Variants in CLPTM1 observed in about 807,000 individuals in gnomAD.
The protein encoded by CLPTM1 is putative lipid scramblase CLPTM1.
Under a neutral mutation model 77.3 loss-of-function variants are expected in CLPTM1, and 21 were observed. That is an observed-to-expected ratio of 0.27 (90% CI 0.19 to 0.39). The LOEUF is 0.39. Ranked by LOEUF, CLPTM1 falls within the 10% of genes least tolerant of loss-of-function variation. The pLI, the probability that CLPTM1 is intolerant of heterozygous loss-of-function variation, is 1.00. For missense variants in CLPTM1, 642 were observed against 921.2 expected, an observed-to-expected ratio of 0.70 and a Z score of 3.92; for synonymous variants, 373 against 381.0, an observed-to-expected ratio of 0.98 and a Z score of 0.24.
intron 2 of CLPTM1, among the ~76,000 whole-genome samples, chr19:44,972,546 T>G (rs528882422): frequency 4.6e-5 from 7 of 152,286 alleles, no homozygotes; most frequent in Non-Finnish European, 4.4e-5. Flanking sequence ...GCCGCGCCCG[T>G]CCTCGTTCAT....
At position 44,990,268 on chromosome 19, in the gene CLPTM1, G is replaced by A. The variant is rs1171021112; in HGVS notation, c.1133-127G>A. The A allele has an allele frequency of 1.1e-5, 10 of 886,128 alleles. No homozygotes were observed. The highest frequency in any genetic ancestry group is 1.8e-5 in the Non-Finnish European group (10 of 567,294). 54.9% of individuals were successfully genotyped at this position (886,128 alleles called of 1,614,324 possible). A position where few individuals can be genotyped will look rare whatever the true frequency, so the allele number is the denominator to read the frequency against. ...TCCTGGGAGAGAGGGGTCTCGTTCAGCACCCCTCCTGAGGACCCAGCCCCA... is the reference window on the plus strand; with the variant it reads ...TCCTGGGAGAGAGGGGTCTCGTTCAACACCCCTCCTGAGGACCCAGCCCCA... On this transcript the variant is annotated intron_variant, in intron 9 of 13. Coordinates refer to ENST00000337392, the MANE Select transcript of CLPTM1 (RefSeq NM_001294.4). The surrounding 1 kb of genome is among the most constrained non-coding windows in gnomAD (Gnocchi z 4.8).
At position 44,988,269 on chromosome 19, in the gene CLPTM1, C is replaced by A. The variant is rs1179626951; in HGVS notation, c.1132+96C>A. On this transcript the variant is annotated intron_variant, in intron 9 of 13. Transcript: ENST00000337392. ...CCCCTCCCTCCCCACATGTCCTCCC[C>A]CTGCCTGGGGTCTCTCAGCCCCACT... 5.4e-6 allele frequency: 5 copies of A among 918,388 alleles called. No homozygotes were observed. The African/African-American group carries it at 6.5e-5, about 12-fold the overall frequency. 56.9% of individuals were successfully genotyped at this position (918,388 alleles called of 1,614,324 possible).
At chr19:44,964,794 C>G (rs1300138038) in intron 2 of CLPTM1, among the ~76,000 whole-genome samples, 3 of 152,190 alleles carry the variant, frequency 2.0e-5, no homozygotes, top group African/African-American at 4.8e-5. Flanking sequence ...TATTTCCTGT[C>G]TCTCTTTCAC....
chr19:44,965,279 C>A (rs1465958431), intron 2 of CLPTM1, among the ~76,000 whole-genome samples: 2 of 151,916 alleles, frequency 1.3e-5, no homozygotes, highest in East Asian at 3.9e-4. Flanking sequence ...GCAGGCAGAT[C>A]ATGAGGTCAA....
chr19:44,970,945 C>T lies in CLPTM1; in HGVS notation c.186-2142C>T, dbSNP rs1200081786. 3.4e-5 allele frequency among the ~76,000 whole-genome samples: 5 copies of T among 146,040 alleles called. 1 individual carries two copies. The highest frequency in any genetic ancestry group is 5.9e-5 in the Non-Finnish European group (4 of 67,446). ...TCCTGGGTTCAAGCGATTCTCCTGC[C>T]CCAGCTTCCCGAATAGCTGGGATTA... is the stretch of plus-strand genomic sequence containing the variant. On this transcript the variant is annotated intron_variant, in intron 2 of 13. Coordinates refer to ENST00000337392, the MANE Select transcript of CLPTM1 (RefSeq NM_001294.4).
intron 9 of CLPTM1, among the ~76,000 whole-genome samples, chr19:44,988,484 G>A (rs1247309420): frequency 6.6e-6 from 1 of 152,088 alleles, no homozygotes; most frequent in African/African-American, 2.4e-5. Flanking sequence ...AGCTGCTCCC[G>A]CCACCCTGCC....
chr19:44,955,362 GC>G, upstream of CLPTM1: 1 of 1,336,636 alleles, frequency 7.5e-7, no homozygotes, highest in Non-Finnish European at 9.6e-7. Flanking sequence ...ACGGGGCGGG[GC>G]TGGCGGCGGG....
rs1345635727 is a variant in CLPTM1 at position 44,970,689 on chromosome 19, G to A, written c.186-2398G>A. Among the ~76,000 whole-genome samples the A allele has an allele frequency of 3.4e-5, 5 of 146,004 alleles. 1 individual carries two copies. The highest frequency in any genetic ancestry group is 2.0e-4 in the East Asian group (1 of 5,120). ...TGGGGTTACAGGTGTGAGCCACCGC[G>A]CCCAGCCTAGGCCAGCATTTTTGTC... On this transcript the variant is annotated intron_variant, in intron 2 of 13. Transcript: ENST00000337392.
rs529436468 is a variant in CLPTM1 at position 44,957,736 on chromosome 19, C to T, written c.72+2269C>T. On this transcript the variant is annotated intron_variant, in intron 1 of 13. Coordinates refer to ENST00000337392, the MANE Select transcript of CLPTM1 (RefSeq NM_001294.4). ...TGCCCAGGGCCTAGTGCACAGCAGGCACACCCTCTGCACAGTCTGCTGCTT... is the reference window on the plus strand; with the variant it reads ...TGCCCAGGGCCTAGTGCACAGCAGGTACACCCTCTGCACAGTCTGCTGCTT... 4.1e-4 allele frequency among the ~76,000 whole-genome samples: 62 copies of T among 152,358 alleles called. 1 individual carries two copies. The highest frequency in any genetic ancestry group is 7.7e-4 in the East Asian group (4 of 5,190).
chr19:44,990,998 C>T lies in CLPTM1; in HGVS notation c.1419+53C>T. ...GGGGTGGTCTCCAGGTACCACGTAT[C>T]CCTGAGGCACCCGGGGCCGGCCATC... On this transcript the variant is annotated intron_variant, in intron 11 of 13. Coordinates refer to ENST00000337392, the MANE Select transcript of CLPTM1 (RefSeq NM_001294.4). The surrounding 1 kb of genome is among the most constrained non-coding windows in gnomAD (Gnocchi z 4.8). 1 of 1,425,654 alleles carries T rather than the reference C, an allele frequency of 7.0e-7. No homozygotes were observed. The highest frequency in any genetic ancestry group is 9.9e-7 in the Non-Finnish European group (1 of 1,014,676). The allele number at this position is 1,425,654 out of a possible 1,614,324, so 88.3% of individuals were successfully genotyped here. A position where few individuals can be genotyped will look rare whatever the true frequency, so the allele number is the denominator to read the frequency against.
intron 5 of CLPTM1, among the ~76,000 whole-genome samples, chr19:44,979,606 T>A (rs1715044382): frequency 6.6e-6 from 1 of 152,162 alleles, no homozygotes; most frequent in South Asian, 2.1e-4. Context: ...TTTTATCACC[T>A]ATACTGGATG....
chr19:44,983,618 A>C (rs1486963954), intron 5 of CLPTM1, among the ~76,000 whole-genome samples: 10 of 15,662 alleles, frequency 6.4e-4, no homozygotes, highest in Admixed American at 8.9e-4. Flanking sequence ...ACTCTGTCTC[A>C]AAAAAAAAAA....
At chr19:44,955,698 G>C in intron 1 of CLPTM1, 1 of 392,692 alleles carries the variant, frequency 2.5e-6, no homozygotes. Context: ...CGGCCACCAG[G>C]CTCATTGCTC....
intron 2 of CLPTM1, among the ~76,000 whole-genome samples, chr19:44,971,340 ATAT>A (rs72115840): frequency 0.084 from 12,777 of 152,090 alleles, 830 homozygotes; most frequent in African/African-American, 0.18. Flanking sequence ...AATATAAAAT[ATAT>A]TGATATTTTC....
At chr19:44,980,260 G>A (rs1269992276) in intron 5 of CLPTM1, among the ~76,000 whole-genome samples, 2 of 152,128 alleles carry the variant, frequency 1.3e-5, no homozygotes, top group East Asian at 1.9e-4. Context: ...TGGAAACCCA[G>A]CACTTTGGGA....
chr19:44,978,801 G>GCAAAACCCCCCCTA, intron 5 of CLPTM1, among the ~76,000 whole-genome samples: 1 of 150,328 alleles, frequency 6.7e-6, no homozygotes, highest in East Asian at 2.0e-4. Flanking sequence ...GCACATTGGG[G>GCAAAACCCCCCCTA]ATTAAGTTTC....
At chr19:44,955,036 G>C (rs148470273), upstream of CLPTM1, 1,389 of 1,535,644 alleles carry the variant, frequency 9.0e-4, 10 homozygotes, top group African/African-American at 0.016. Flanking sequence ...GCGAAGAATC[G>C]GCAGGGAGAA....
rs535163888 is a variant in CLPTM1, at chr19:44,961,234, G to A, written c.73-729G>A. ...GCTGTCACAGACATGTCTTGTGGCC[G>A]TGGCTTATGGTAGCAGCTGATAGTC... On this transcript the variant is annotated intron_variant, in intron 1 of 13. Transcript: ENST00000337392. Among the ~76,000 whole-genome samples the A allele has an allele frequency of 9.8e-5, 15 of 152,324 alleles. No homozygotes were observed. In the South Asian group the frequency reaches 2.3e-3, roughly 23 times the overall value.
chr19:44,990,269 CA>C lies in CLPTM1; in HGVS notation c.1133-125del. The C allele has an allele frequency of 1.1e-6, 1 of 891,960 alleles. No individual in the cohort carries two copies. Among genetic ancestry groups the C allele is most frequent in the South Asian group, 1.6e-5 (1 of 62,716 alleles). The allele number at this position is 891,960 out of a possible 1,614,324, so 55.3% of individuals were successfully genotyped here. A position where few individuals can be genotyped will look rare whatever the true frequency, so the allele number is the denominator to read the frequency against. On this transcript the variant is annotated intron_variant, in intron 9 of 13. Coordinates refer to ENST00000337392, the MANE Select transcript of CLPTM1 (RefSeq NM_001294.4). The surrounding 1 kb of genome is among the most constrained non-coding windows in gnomAD (Gnocchi z 4.8). ...CCTGGGAGAGAGGGGTCTCGTTCAG[CA>C]CCCCTCCTGAGGACCCAGCCCCACC...
Sources: allele counts gnomAD v4.1 joint callset (sites outside exome capture counted in the v4.1 genomes callset), GRCh38; gene constraint gnomAD v4.1.1; non-coding constraint Gnocchi (gnomAD v3.1); transcripts MANE v1.5; gene names NCBI Gene and HGNC (gene_info 2026-07-23, HGNC 2026-07-21).